The following MAST3 variants were observed in gnomAD, a reference collection of about 807,000 sequenced individuals.
MAST3 encodes the protein microtubule-associated serine/threonine-protein kinase 3.
MAST3 carries 43 observed loss-of-function variants against 127.0 expected under a neutral mutation model. The ratio of observed to expected loss-of-function variants is 0.34; its 90% confidence interval spans 0.27 to 0.44. MAST3 has a LOEUF of 0.44. Among genes scored for constraint, MAST3 ranks in the 20% least tolerant of loss-of-function variants. MAST3 has a pLI of 1.00. For missense variants in MAST3, 1,390 were observed against 1,919.1 expected (o/e 0.72, Z 5.15); for synonymous variants, 785 against 809.2 (o/e 0.97, Z 0.51).
chr19:18,148,867 C>T (rs1184662180), intron 27 of MAST3, among the ~76,000 whole-genome samples: 1 of 151,144 alleles, frequency 6.6e-6, no homozygotes, highest in Non-Finnish European at 1.5e-5. Context: ...CATGCCACTG[C>T]ACTCCAGCCT....
chr19:18,113,466 T>G (rs116286725), intron 3 of MAST3, among the ~76,000 whole-genome samples: 2 of 151,906 alleles, frequency 1.3e-5, no homozygotes, highest in Non-Finnish European at 2.9e-5. Context: ...GGGTGGTTTT[T>G]TTTGTTTGTT....
In MAST3 at chr19:18,145,023, C is replaced by T. The variant is rs1049093093; in HGVS notation, c.2833C>T (p.Leu945Phe). The change falls in exon 24 of 28, where the codon CTC becomes TTC. Residue 945 changes from leucine to phenylalanine, a missense_variant. Transcript: ENST00000687212. This position sits in a 1 kb window ranked among gnomAD's most constrained non-coding sequence, Gnocchi z 5.9. ...TGCAGATGATGGCAGCGGCGGCCCC[C>T]TCATGAGCCCCCTTTCCCCGCGCTC... Reference protein sequence around the residue: ...ITADDGSGGPLMSPLSPRSLS... With the variant: ...ITADDGSGGPFMSPLSPRSLS... 1 of 1,600,936 alleles carries T rather than the reference C, an allele frequency of 6.2e-7. No homozygotes were observed. Among genetic ancestry groups the T allele is most frequent in the Non-Finnish European group, 8.5e-7 (1 of 1,173,286 alleles).
At chr19:18,127,353 G>A (rs1359897427) in intron 11 of MAST3, among the ~76,000 whole-genome samples, 2 of 151,900 alleles carry the variant, frequency 1.3e-5, no homozygotes, top group Non-Finnish European at 2.9e-5. Flanking sequence ...TTTGAGACGA[G>A]CCTGGCCAAC....
chr19:18,126,007 C>T (rs1402012214), intron 11 of MAST3, among the ~76,000 whole-genome samples: 2 of 151,898 alleles, frequency 1.3e-5, no homozygotes, highest in Non-Finnish European at 2.9e-5. Context: ...TGCAGTGAGC[C>T]GAGATCACGC....
At chr19:18,102,808 G>A (rs879509863) in intron 1 of MAST3, among the ~76,000 whole-genome samples, 2 of 151,690 alleles carry the variant, frequency 1.3e-5, no homozygotes, top group African/African-American at 4.8e-5. Flanking sequence ...TGATCCTCCC[G>A]CCTCAGCCTC....
At chr19:18,132,404 G>C (rs2041412622) in intron 15 of MAST3, among the ~76,000 whole-genome samples, 1 of 152,182 alleles carries the variant, frequency 6.6e-6, no homozygotes, top group African/African-American at 2.4e-5. Context: ...TGCTGCACAA[G>C]GGGAGAGAAC....
intron 3 of MAST3, among the ~76,000 whole-genome samples, chr19:18,117,807 C>T (rs924266770): frequency 2.0e-5 from 3 of 151,644 alleles, no homozygotes; most frequent in African/African-American, 7.3e-5. Context: ...CCCCGCCGCC[C>T]GCGGTCGTAG....
At chr19:18,132,225 T>G (rs1438907236) in intron 15 of MAST3, among the ~76,000 whole-genome samples, 178 bp downstream of exon 15, 1 of 152,166 alleles carries the variant, frequency 6.6e-6, no homozygotes, top group Non-Finnish European at 1.5e-5. Context: ...GAGCGCATGG[T>G]GAACATCTTG....
chr19:18,139,158 G>GA, intron 20 of MAST3, 34 bp downstream of exon 20: 1 of 1,424,588 alleles, frequency 7.0e-7, no homozygotes, highest in Non-Finnish European at 9.7e-7. Context: ...CCACTGCTCA[G>GA]AAAACATTGC....
chr19:18,130,632 C>A lies in MAST3; in HGVS notation c.1362C>A (p.Pro454=), dbSNP rs1433383660. 6.2e-7 allele frequency: 1 copy of A among 1,614,120 alleles called. No homozygotes were observed. The highest frequency in any genetic ancestry group is 8.5e-7 in the Non-Finnish European group (1 of 1,180,004). Residue 454 remains proline, a synonymous_variant, in exon 14 of 28, where the codon CCC becomes CCA. Coordinates refer to ENST00000687212, the MANE Select transcript of MAST3 (RefSeq NM_001393504.1). ...ERDILTFAEN[P]FVVSMFCSFE... ...ACATTCTCACCTTTGCCGAGAACCC[C>A]TTTGTGGTCAGCATGTTCTGCTCCT...
intron 25 of MAST3, 77 bp from the exon 26 acceptor site, chr19:18,146,804 G>A (rs1317433869): frequency 4.7e-5 from 66 of 1,402,804 alleles, no homozygotes; most frequent in Non-Finnish European, 6.7e-6. Flanking sequence ...CCGGAGTGAA[G>A]GGGACATAGC....
Position 18,134,898 on chromosome 19 carries a change from G to T in MAST3, c.1786G>T (p.Gly596Cys), listed in dbSNP as rs1332103907. The T allele has an allele frequency of 1.2e-6, 2 of 1,614,036 alleles. No individual in the cohort carries two copies. Among genetic ancestry groups the T allele is most frequent in the Non-Finnish European group, 1.7e-6 (2 of 1,179,948 alleles). Residue 596 changes from glycine (G) to cysteine (C), a missense_variant, in exon 17 of 28, where the codon GGC becomes TGC. Physicochemically the swap from Gly to Cys is radical, Grantham distance 159. This residue lies in a region of MAST3 where 191 missense variants were observed against 409.0 expected (regional missense o/e 0.47). Coordinates refer to ENST00000687212, the MANE Select transcript of MAST3 (RefSeq NM_001393504.1). Reference protein sequence around the residue: ...YGKPVDWWAMGVVLYEFLVGC... With the variant: ...YGKPVDWWAMCVVLYEFLVGC... ...GAAGCCAGTGGACTGGTGGGCCATG[G>T]GCGTCGTCCTCTATGAGTTTCTGGT...
intron 3 of MAST3, among the ~76,000 whole-genome samples, chr19:18,114,721 G>T (rs185186220): frequency 1.3e-5 from 2 of 152,144 alleles, no homozygotes; most frequent in African/African-American, 4.8e-5. Flanking sequence ...GGGGTTGGGG[G>T]TGTTGTTGAA....
At chr19:18,139,704 G>T (rs547169091) in intron 20 of MAST3, among the ~76,000 whole-genome samples, 1 of 152,176 alleles carries the variant, frequency 6.6e-6, no homozygotes, top group South Asian at 2.1e-4. Flanking sequence ...CTCATGATCT[G>T]CCCGCCTCGG....
intron 2 of MAST3, among the ~76,000 whole-genome samples, chr19:18,108,047 T>C (rs142903632): frequency 2.6e-4 from 39 of 152,180 alleles, no homozygotes; most frequent in Admixed American, 4.6e-4. Context: ...TCCCAGCACT[T>C]TGGAAGGCTG....
chr19:18,137,255 G>A lies in MAST3; in HGVS notation c.1989G>A (p.Val663=). 6.2e-7 allele frequency: 1 copy of A among 1,613,744 alleles called. No homozygotes were observed. The highest frequency in any genetic ancestry group is 8.5e-7 in the Non-Finnish European group (1 of 1,179,728). ...DRLGTGGTHE[V]KQHPFFLALD... is the part of the protein sequence containing the mutation. ...TATCTGCAGGTGGCACCCACGAAGT[G>A]AAGCAGCACCCCTTTTTCCTGGCCC... is the stretch of plus-strand genomic sequence containing the variant. Residue 663 remains valine (V), a synonymous_variant, in exon 19 of 28, where the codon GTG becomes GTA. Transcript: ENST00000687212.
At chr19:18,121,592 C>T in intron 3 of MAST3, 93 bp from the exon 4 acceptor site, 3 of 1,100,114 alleles carry the variant, frequency 2.7e-6, no homozygotes, top group Non-Finnish European at 4.1e-6. Context: ...CCATCCTTCT[C>T]CAGAACGGGC....
At chr19:18,113,628 T>G (rs1223569206) in intron 3 of MAST3, among the ~76,000 whole-genome samples, 1 of 152,056 alleles carries the variant, frequency 6.6e-6, no homozygotes, top group Non-Finnish European at 1.5e-5. Context: ...TCCTGGCTAA[T>G]TTTTTGTATT....
chr19:18,102,944 G>A (rs2037769203), intron 1 of MAST3, among the ~76,000 whole-genome samples: 1 of 152,160 alleles, frequency 6.6e-6, no homozygotes, highest in Admixed American at 6.6e-5. Context: ...CCTCAAGGTG[G>A]GGCTAAAGCT....
Sources: gnomAD v4.1 joint callset for allele counts (sites outside exome capture counted in the v4.1 genomes callset) on GRCh38, gnomAD v4.1.1 for gene constraint, gnomAD v4.1.1 regional missense constraint, Gnocchi (gnomAD v3.1) non-coding constraint, MANE v1.5 for transcripts, NCBI Gene and HGNC (gene_info 2026-07-23, HGNC 2026-07-21) for gene names.